The following UBAP1L variants were observed in gnomAD, a reference collection of about 807,000 sequenced individuals.
UBAP1L encodes ubiquitin-associated protein 1-like.
UBAP1L carries 32 observed loss-of-function variants against 32.1 expected under a neutral mutation model. The ratio of observed to expected loss-of-function variants is 1.00; its 90% CI spans 0.75 to 1.34. The LOEUF (loss-of-function observed/expected upper bound fraction) is 1.34. UBAP1L is among the 40% of genes most tolerant of loss of function. The pLI, the probability that UBAP1L is intolerant of heterozygous loss-of-function variation, is 0.00. For synonymous variants in UBAP1L, 243 were observed against 250.2 expected, an observed-to-expected ratio of 0.97 and a Z score of 0.27; for missense variants, 516 against 540.5, an observed-to-expected ratio of 0.95 and a Z score of 0.45.
chr15:65,098,715 C>T (rs1432920362), intron 4 of UBAP1L: 1 of 152,148 alleles, frequency 6.6e-6, no homozygotes, highest in Non-Finnish European at 1.5e-5. Flanking sequence ...TCATTCAGCC[C>T]CAAGTAAGTC....
intron 4 of UBAP1L, chr15:65,097,288 T>G (rs1203103659): frequency 6.6e-6 from 1 of 152,310 alleles, no homozygotes; most frequent in Non-Finnish European, 1.5e-5. Flanking sequence ...CTGAAGGGAC[T>G]GGGGAGGCAT....
Position 65,102,536 on chromosome 15 carries a change from G to T in UBAP1L, c.269C>A (p.Ala90Glu), listed in dbSNP as rs534645693. ...LVSPEHGLAPAPTTIRDPEAG... is the reference protein window; with the variant it reads ...LVSPEHGLAPEPTTIRDPEAG... ...CTCCGGGTCTCTGATTGTGGTGGGC[G>T]CAGGCGCCAGCCCATGTTCGGGGCT... The change falls in exon 3 of 6, where the codon GCG (alanine) becomes GAG (glutamate). Residue 90 changes from alanine to glutamate, a missense_variant. Coordinates refer to ENST00000559089, the MANE Select transcript of UBAP1L (RefSeq NM_001163692.2). The surrounding 1 kb of genome is among the most constrained non-coding windows in gnomAD (Gnocchi z 5.0). The T allele has an allele frequency of 3.3e-6, 5 of 1,513,036 alleles. No homozygotes were observed. The African/African-American group carries it at 7.1e-5, about 21-fold the overall frequency. 93.7% of individuals were successfully genotyped at this position (1,513,036 alleles called of 1,614,324 possible).
chr15:65,093,280 C>T (rs1461705473), intron 5 of UBAP1L, 49 bp from the exon 6 acceptor site: 1 of 1,488,740 alleles, frequency 6.7e-7, no homozygotes, highest in East Asian at 2.5e-5. Flanking sequence ...CTGGGCCTGG[C>T]CTCAGCCATG....
At chr15:65,112,345 T>A (rs1014059582) in intron 1 of UBAP1L, among the ~76,000 whole-genome samples, 1 of 152,174 alleles carries the variant, frequency 6.6e-6, no homozygotes, top group Non-Finnish European at 1.5e-5. Flanking sequence ...GCTGACTCCA[T>A]TCAGCAGGTA....
intron 4 of UBAP1L, chr15:65,097,352 G>C (rs2087186676): frequency 6.6e-6 from 1 of 152,350 alleles, no homozygotes; most frequent in African/African-American, 2.4e-5. Context: ...CCAGCTTTTT[G>C]GCCAGGACTC....
rs1001431811 is a variant in UBAP1L at position 65,107,654 on chromosome 15, G to C, written c.-173-1266C>G. On this transcript the variant is annotated intron_variant, in intron 1 of 5. Transcript: ENST00000559089. Reference sequence around the variant, plus strand: ...CTTGGGAGACTGAGGCAGGAGAATCGCTTGAATCTGGGAGGCAGAGGTTGC... The same window carrying C: ...CTTGGGAGACTGAGGCAGGAGAATCCCTTGAATCTGGGAGGCAGAGGTTGC... Among the ~76,000 whole-genome samples, 8 of 147,400 alleles carry C rather than the reference G, an allele frequency of 5.4e-5. No homozygotes were observed. The Admixed American group carries it at 5.6e-4, about 10-fold the overall frequency.
rs1031913973 is a variant in UBAP1L at position 65,094,062 on chromosome 15, A to T, written c.1011+413T>A. Among the ~76,000 whole-genome samples the T allele has an allele frequency of 3.9e-5, 6 of 152,130 alleles. No individual in the cohort carries two copies. In the East Asian group the frequency reaches 1.2e-3, roughly 29 times the overall value. On this transcript the variant is annotated intron_variant, in intron 5 of 5. Transcript: ENST00000559089. The surrounding 1 kb of genome is among the most constrained non-coding windows in gnomAD (Gnocchi z 4.2). The stretch of plus-strand genomic sequence containing the variant: ...ACTCAGTCTCAGAAAACAAGATGTG[A>T]CTATTGGGCCTACAGCTGCATGCAC...
At position 65,094,577 on chromosome 15, in the gene UBAP1L, C is replaced by T; in HGVS notation, c.910-1G>A. Reference sequence around the variant, plus strand: ...CACAGGCACTGAGGTAGCTGAGAAACTGGGCCGGAAGCGGGCAGAGAGGGA... The same window carrying T: ...CACAGGCACTGAGGTAGCTGAGAAATTGGGCCGGAAGCGGGCAGAGAGGGA... On this transcript the variant is annotated splice_acceptor_variant, in intron 4 of 5. Transcript: ENST00000559089. LOFTEE classifies it high-confidence loss of function. This position sits in a 1 kb window ranked among gnomAD's most constrained non-coding sequence, Gnocchi z 4.2. 1 of 1,551,124 alleles carries T rather than the reference C, an allele frequency of 6.4e-7. No homozygotes were observed. The highest frequency in any genetic ancestry group is 8.7e-7 in the Non-Finnish European group (1 of 1,146,752).
At chr15:65,099,902 A>G (rs1300042327) in intron 3 of UBAP1L, 188 bp from the exon 4 acceptor site, 7 of 542,506 alleles carry the variant, frequency 1.3e-5, no homozygotes, top group Non-Finnish European at 1.9e-5. Context: ...ATGAAAAATG[A>G]GGGCAATCCC....
intron 1 of UBAP1L, among the ~76,000 whole-genome samples, chr15:65,114,413 A>G (rs1249618386): frequency 6.6e-6 from 1 of 152,112 alleles, no homozygotes; most frequent in Non-Finnish European, 1.5e-5. Flanking sequence ...GTTAATATCT[A>G]CCTTCCTCAT....
rs1228869808 is a variant in UBAP1L, at chr15:65,099,530, T to A, written c.884A>T (p.Lys295Met). Residue 295 changes from lysine (K) to methionine (M), a missense_variant, in exon 4 of 6, where the codon AAG becomes ATG. Transcript: ENST00000559089. ...PLRRAIIALQKTGRQSLSQFL... is the reference protein window; with the variant it reads ...PLRRAIIALQMTGRQSLSQFL... The stretch of plus-strand genomic sequence containing the variant: ...CTGGCTCAGGCTCTGCCTCCCTGTC[T>A]TCTGCAGAGCTATGATGGCCCTTCG... The A allele has an allele frequency of 6.4e-7, 1 of 1,550,924 alleles. No homozygotes were observed.
chr15:65,093,163 C>T lies in UBAP1L; in HGVS notation c.1080G>A (p.Glu360=), dbSNP rs1437360422. The T allele has an allele frequency of 2.6e-6, 4 of 1,550,408 alleles. No individual in the cohort carries two copies. The Admixed American group carries it at 7.9e-5, about 30-fold the overall frequency. Residue 360 remains glutamate (E), a synonymous_variant, in exon 6 of 6, where the codon GAG becomes GAA. Transcript: ENST00000559089. ...DMGFQQDRIK[E]VLLVHGNRRE... is the part of the protein sequence containing the mutation. Reference sequence around the variant, plus strand: ...GGCGGTTGCCATGGACCAGCAGCACCTCCTTGATCCGGTCCTGCTGGAAGC... The same window carrying T: ...GGCGGTTGCCATGGACCAGCAGCACTTCCTTGATCCGGTCCTGCTGGAAGC...
Position 65,099,681 on chromosome 15 carries a change from C to G in UBAP1L, c.733G>C (p.Gly245Arg). The change falls in exon 4 of 6, where the codon GGG (glycine) becomes CGG (arginine). Residue 245 changes from glycine (G) to arginine (R), a missense_variant. Physicochemically the swap from Gly to Arg is moderately radical, Grantham distance 125. Coordinates refer to ENST00000559089, the MANE Select transcript of UBAP1L (RefSeq NM_001163692.2). ...LSPYTCLPPL[G>R]GAPQPLNPHK... ...GGGTTGAGAGGTTGGGGTGCCCCCC[C>G]AAGAGGTGGCAGACAGGTGTACGGG... 6.4e-7 allele frequency: 1 copy of G among 1,551,094 alleles called. No homozygotes were observed.
intron 2 of UBAP1L, 192 bp downstream of exon 2, chr15:65,105,904 C>T: frequency 1.3e-6 from 1 of 765,232 alleles, no homozygotes; most frequent in Non-Finnish European, 2.2e-6. Flanking sequence ...AATTCTCATG[C>T]CTCCACCTTC....
chr15:65,093,629 C>T (rs1247623820), intron 5 of UBAP1L, among the ~76,000 whole-genome samples: 1 of 152,228 alleles, frequency 6.6e-6, no homozygotes, highest in African/African-American at 2.4e-5. Flanking sequence ...CTTTCCTTCC[C>T]CTCCGACCCC....
chr15:65,113,137 G>C lies in UBAP1L; in HGVS notation c.-174+2013C>G, dbSNP rs1312204535. Among the ~76,000 whole-genome samples, 6 of 152,244 alleles carry C rather than the reference G, an allele frequency of 3.9e-5. No individual in the cohort carries two copies. The South Asian group carries it at 1.0e-3, about 26-fold the overall frequency. On this transcript the variant is annotated intron_variant, in intron 1 of 5. Transcript: ENST00000559089. ...TGTAATCCCAACACTTTGGGAGGCA[G>C]AGGTGGGAGGATTGCTGGAGCCCGT... is the stretch of plus-strand genomic sequence containing the variant.
intron 2 of UBAP1L, chr15:65,105,010 GA>G (rs1215816581): frequency 3.9e-3 from 678 of 173,196 alleles, no homozygotes; most frequent in Non-Finnish European, 6.2e-3. Context: ...TGTCTCAAAT[GA>G]AAAAAAAAAA....
intron 1 of UBAP1L, among the ~76,000 whole-genome samples, chr15:65,112,072 T>C (rs186124437): frequency 5.9e-5 from 9 of 152,330 alleles, no homozygotes; most frequent in Admixed American, 2.6e-4. Flanking sequence ...CAGATCATTA[T>C]GTAATAATAT....
chr15:65,113,874 C>T (rs1179015033), intron 1 of UBAP1L, among the ~76,000 whole-genome samples: 2 of 152,096 alleles, frequency 1.3e-5, no homozygotes, highest in Non-Finnish European at 2.9e-5. Context: ...GCACAGTGGC[C>T]TTTACAAAGT....
Sources: gnomAD v4.1 joint callset for allele counts (sites outside exome capture counted in the v4.1 genomes callset) on GRCh38, gnomAD v4.1.1 for gene constraint, Gnocchi (gnomAD v3.1) non-coding constraint, MANE v1.5 for transcripts, NCBI Gene and HGNC (gene_info 2026-07-23, HGNC 2026-07-21) for gene names.